The following CLYBL variants were observed in gnomAD, a reference collection of about 807,000 sequenced individuals.
The protein encoded by CLYBL is citramalyl-CoA lyase, mitochondrial.
A neutral mutation model predicts 38.9 loss-of-function variants in CLYBL; 31 were observed. The ratio of observed to expected loss-of-function variants is 0.80; its 90% CI spans 0.60 to 1.08. The LOEUF (loss-of-function observed/expected upper bound fraction) is 1.08, where lower values mean the gene tolerates loss of function less well. CLYBL is among the 50% of genes least tolerant of loss of function. The pLI is 0.00. For missense variants in CLYBL, 434 were observed against 411.6 expected, an observed-to-expected ratio of 1.05 and a Z score of -0.47; for synonymous variants, 171 against 158.6, an observed-to-expected ratio of 1.08 and a Z score of -0.59.
intron 1 of CLYBL, among the ~76,000 whole-genome samples, chr13:99,683,173 C>G (rs2047762918): frequency 6.6e-6 from 1 of 152,058 alleles, no homozygotes; most frequent in African/African-American, 2.4e-5. Context: ...CCTCTGCCTC[C>G]CACGTTCAAG....
rs181109859 is a variant in CLYBL, at chr13:99,758,697, C to T, written c.63-14127C>T. ...TCTGCCACCTGCCCAGTGACAGCCC[C>T]CCTCCAGACCACAGAGTCTGCAACA... On this transcript the variant is annotated intron_variant, in intron 1 of 8. Transcript: ENST00000339105. 2.6e-5 allele frequency among the ~76,000 whole-genome samples: 4 copies of T among 152,296 alleles called. No individual in the cohort carries two copies. The East Asian group carries it at 5.8e-4, about 22-fold the overall frequency.
rs141927113 is a variant in CLYBL at position 99,815,542 on chromosome 13, G to A, written c.249+42532G>A. 2.8e-4 allele frequency among the ~76,000 whole-genome samples: 43 copies of A among 152,218 alleles called. No homozygotes were observed. In the East Asian group the frequency reaches 6.6e-3, roughly 23 times the overall value. On this transcript the variant is annotated intron_variant, in intron 2 of 8. Coordinates refer to ENST00000339105, the MANE Select transcript of CLYBL (RefSeq NM_206808.5). ...CAAGACCACAGTGGGCGATGATGGC[G>A]CCACCGCATTCCAGCTTGAGTGACA...
At chr13:99,623,725 C>T (rs753020297) in intron 1 of CLYBL, among the ~76,000 whole-genome samples, 2 of 151,872 alleles carry the variant, frequency 1.3e-5, no homozygotes, top group South Asian at 2.1e-4. Flanking sequence ...TTTGGGAGGC[C>T]GAGGTGGGCA....
At chr13:99,762,959 CT>C (rs1046942725) in intron 1 of CLYBL, among the ~76,000 whole-genome samples, 2 of 151,962 alleles carry the variant, frequency 1.3e-5, no homozygotes, top group African/African-American at 4.8e-5. Context: ...TTCTTGATAT[CT>C]TTTTCATATT....
In CLYBL at chr13:99,770,080, C is replaced by CTTTT. The variant is rs3033589; in HGVS notation, c.63-2730_63-2727dup. On this transcript the variant is annotated intron_variant, in intron 1 of 8. Transcript: ENST00000339105. ...ACTTTTCTTTCTTTTTCTTTTCTTT[C>CTTTT]TTTTTTTTTTTTTTTTTGAGATGGA... is the stretch of plus-strand genomic sequence containing the variant. 2.1e-4 allele frequency among the ~76,000 whole-genome samples: 22 copies of CTTTT among 103,186 alleles called. 1 individual carries two copies. The highest frequency in any genetic ancestry group is 3.2e-4 in the East Asian group (1 of 3,084). The allele number at this position is 103,186 out of a possible 152,430, so 67.7% of individuals were successfully genotyped here. A position where few individuals can be genotyped will look rare whatever the true frequency, so the allele number is the denominator to read the frequency against.
In CLYBL at chr13:99,891,384, A is replaced by T; in HGVS notation, c.994A>T (p.Thr332Ser). Reference protein sequence around the residue: ...PLLKQAQNTVTLATSIKEK With the variant: ...PLLKQAQNTVSLATSIKEK Reference sequence around the variant, plus strand: ...ACTGAAGCAGGCCCAGAACACTGTTACGCTTGCCACCTCCATCAAGGAAAA... The same window carrying T: ...ACTGAAGCAGGCCCAGAACACTGTTTCGCTTGCCACCTCCATCAAGGAAAA... The change falls in exon 8 of 9, where the codon ACG becomes TCG. Residue 332 changes from threonine to serine, a missense_variant. Thr to Ser is a moderately conservative substitution (Grantham distance 58, BLOSUM62 1). Coordinates refer to ENST00000339105, the MANE Select transcript of CLYBL (RefSeq NM_206808.5). 1 of 1,613,842 alleles carries T rather than the reference A, an allele frequency of 6.2e-7. No homozygotes were observed. Among genetic ancestry groups the T allele is most frequent in the Non-Finnish European group, 8.5e-7 (1 of 1,179,728 alleles).
At chr13:99,863,688 A>C (rs1431893784) in intron 4 of CLYBL, among the ~76,000 whole-genome samples, 1 of 152,196 alleles carries the variant, frequency 6.6e-6, no homozygotes, top group African/African-American at 2.4e-5. Context: ...CGGTCTTAAC[A>C]AATTCAGAGC....
chr13:99,866,553 G>A (rs991210255), intron 6 of CLYBL, 146 bp downstream of exon 6: 1 of 626,238 alleles, frequency 1.6e-6, no homozygotes, highest in Non-Finnish European at 2.6e-6. Flanking sequence ...CACAGGGGAA[G>A]AACTTGCCAG....
chr13:99,785,021 T>C (rs553217286), intron 2 of CLYBL, among the ~76,000 whole-genome samples: 1 of 151,652 alleles, frequency 6.6e-6, no homozygotes, highest in Admixed American at 6.6e-5. Context: ...GCCTCCTGAG[T>C]AGCTGGGACT....
At chr13:99,838,037 G>A (rs754034592) in intron 2 of CLYBL, among the ~76,000 whole-genome samples, 1 of 152,108 alleles carries the variant, frequency 6.6e-6, no homozygotes, top group African/African-American at 2.4e-5. Flanking sequence ...ATCTGTGAAT[G>A]CTTCTTGAAT....
chr13:99,742,492 A>G (rs112640929), intron 1 of CLYBL, among the ~76,000 whole-genome samples: 98 of 152,348 alleles, frequency 6.4e-4, no homozygotes, highest in African/African-American at 2.2e-3. Flanking sequence ...ATGGCTCTTC[A>G]TTCTTTTAAA....
intron 1 of CLYBL, among the ~76,000 whole-genome samples, chr13:99,608,633 A>G (rs980447302): frequency 1.3e-5 from 2 of 152,176 alleles, no homozygotes; most frequent in African/African-American, 4.8e-5. Flanking sequence ...CACAGTCCCC[A>G]CGCCAGTACG....
chr13:99,843,176 C>T (rs543903490), intron 2 of CLYBL, among the ~76,000 whole-genome samples: 166 of 152,214 alleles, frequency 1.1e-3, no homozygotes, highest in African/African-American at 3.9e-3. Flanking sequence ...TCCTTTGGAG[C>T]CTCAGTGAGC....
intron 2 of CLYBL, among the ~76,000 whole-genome samples, chr13:99,808,538 T>C (rs1313618826): frequency 6.6e-6 from 1 of 152,188 alleles, no homozygotes; most frequent in Non-Finnish European, 1.5e-5. Context: ...ATATTTGAGG[T>C]TTTTCTTGTT....
At chr13:99,666,273 T>C (rs1427664934) in intron 1 of CLYBL, among the ~76,000 whole-genome samples, 1 of 152,088 alleles carries the variant, frequency 6.6e-6, no homozygotes, top group African/African-American at 2.4e-5. Context: ...GCTGAGACAG[T>C]ACAGCCCCTG....
At chr13:99,793,052 A>ACACACACACACACG (rs2138899650) in intron 2 of CLYBL, among the ~76,000 whole-genome samples, 1 of 151,940 alleles carries the variant, frequency 6.6e-6, no homozygotes, top group African/African-American at 2.4e-5. Context: ...ACACACACAC[A>ACACACACACACACG]CACACACACA....
chr13:99,718,090 G>A (rs915874044), intron 1 of CLYBL, among the ~76,000 whole-genome samples: 1 of 151,878 alleles, frequency 6.6e-6, no homozygotes, highest in East Asian at 1.9e-4. Context: ...AGTTGCCCAG[G>A]CTGGTCTATA....
intron 1 of CLYBL, among the ~76,000 whole-genome samples, chr13:99,623,931 C>G (rs1375933572): frequency 1.3e-5 from 2 of 148,564 alleles, no homozygotes; most frequent in African/African-American, 2.5e-5. Context: ...TGCACTCCAG[C>G]CTGGGCAACA....
intron 1 of CLYBL, among the ~76,000 whole-genome samples, chr13:99,687,579 A>G (rs1222595161): frequency 6.6e-6 from 1 of 152,208 alleles, no homozygotes; most frequent in African/African-American, 2.4e-5. Context: ...CTGCTTGTGA[A>G]TGGTAGGCTA....
Sources: allele counts gnomAD v4.1 joint callset (sites outside exome capture counted in the v4.1 genomes callset), GRCh38; gene constraint gnomAD v4.1.1; transcripts MANE v1.5; gene names NCBI Gene and HGNC (gene_info 2026-07-23, HGNC 2026-07-21).